Variants in TNRC6B observed in about 807,000 individuals in gnomAD.
The protein encoded by TNRC6B is trinucleotide repeat-containing gene 6B protein.
TNRC6B carries 52 observed loss-of-function variants against 203.6 expected under a neutral mutation model. The observed-to-expected ratio is 0.26, with a 90% CI of 0.20 to 0.32. The LOEUF (loss-of-function observed/expected upper bound fraction) is 0.32. TNRC6B is among the 10% of genes least tolerant of loss of function. The pLI, the probability that TNRC6B is intolerant of heterozygous loss-of-function variation, is 1.00. For missense variants in TNRC6B, 1,923 were observed against 2,286.2 expected (o/e 0.84, Z 3.24); for synonymous variants, 838 against 845.7 (o/e 0.99, Z 0.16).
In TNRC6B at chr22:40,323,279, G is replaced by A. The variant is rs759260430; in HGVS notation, c.*38G>A. 2 of 1,579,238 alleles carry A rather than the reference G, an allele frequency of 1.3e-6. No individual in the cohort carries two copies. The highest frequency in any genetic ancestry group is 1.7e-6 in the Non-Finnish European group (2 of 1,169,126). On this transcript the variant is annotated 3_prime_UTR_variant, in exon 23 of 23. Coordinates refer to ENST00000454349, the MANE Select transcript of TNRC6B (RefSeq NM_001162501.2). Reference sequence around the variant, plus strand: ...CAACTCTGACCTCGTGACCTTTTTTGGAACAGCAGCAGCACTAACTTGACC... The same window carrying A: ...CAACTCTGACCTCGTGACCTTTTTTAGAACAGCAGCAGCACTAACTTGACC...
intron 1 of TNRC6B, among the ~76,000 whole-genome samples, chr22:40,109,936 C>T (rs2068318496): frequency 6.6e-6 from 1 of 152,160 alleles, no homozygotes. Context: ...CAGTGCGGGG[C>T]ACAGCATAAA....
intron 3 of TNRC6B, among the ~76,000 whole-genome samples, chr22:40,141,298 C>T (rs1217276218): frequency 6.6e-6 from 1 of 150,484 alleles, no homozygotes; most frequent in Admixed American, 6.7e-5. Flanking sequence ...CTCCACCTCC[C>T]GGGTTCAGGC....
intron 1 of TNRC6B, among the ~76,000 whole-genome samples, chr22:40,081,410 G>A (rs6001750): frequency 0.013 from 1,922 of 148,818 alleles, 44 homozygotes; most frequent in African/African-American, 0.044. Flanking sequence ...CTCTGGAAGA[G>A]CCTTCCCGCC....
chr22:40,257,883 C>T (rs905359014), intron 3 of TNRC6B, among the ~76,000 whole-genome samples: 13 of 150,522 alleles, frequency 8.6e-5, no homozygotes, highest in African/African-American at 2.4e-4. Flanking sequence ...ATTAGTGAGG[C>T]GTGGTGGTGC....
At chr22:40,307,985 C>T (rs757776895) in intron 15 of TNRC6B, among the ~76,000 whole-genome samples, 37 of 152,142 alleles carry the variant, frequency 2.4e-4, no homozygotes, top group Non-Finnish European at 4.1e-4. Context: ...GTTAGCTAAC[C>T]ATTGGAGTCA....
chr22:40,135,378 C>T (rs1027763338), intron 3 of TNRC6B, among the ~76,000 whole-genome samples: 23 of 152,094 alleles, frequency 1.5e-4, no homozygotes, highest in Admixed American at 1.4e-3. Context: ...GCCAGGGAGA[C>T]GGGGGCATGG....
At chr22:40,211,468 A>C (rs115443348) in intron 1 of TNRC6B, among the ~76,000 whole-genome samples, 88 of 151,722 alleles carry the variant, frequency 5.8e-4, no homozygotes, top group African/African-American at 2.0e-3. Context: ...CAGGAACACC[A>C]CCTGTATTGA....
intron 12 of TNRC6B, among the ~76,000 whole-genome samples, chr22:40,286,543 G>T (rs1322491674): frequency 1.3e-5 from 2 of 152,062 alleles, no homozygotes; most frequent in Non-Finnish European, 2.9e-5. Flanking sequence ...GCCAGATTCT[G>T]GATTATTCTG....
chr22:40,106,913 T>A, intron 1 of TNRC6B: 4 of 992,966 alleles, frequency 4.0e-6, no homozygotes, highest in Non-Finnish European at 6.4e-6. Flanking sequence ...CGCTTTTTCA[T>A]GGATAAACTT....
chr22:40,304,191 T>C (rs2071061480), intron 15 of TNRC6B, among the ~76,000 whole-genome samples: 1 of 152,256 alleles, frequency 6.6e-6, no homozygotes. Flanking sequence ...TTTCTTAATA[T>C]GTCTTGATAA....
chr22:40,153,091 A>G (rs377251856), intron 3 of TNRC6B, among the ~76,000 whole-genome samples: 52 of 151,986 alleles, frequency 3.4e-4, no homozygotes, highest in African/African-American at 1.2e-3. Flanking sequence ...ACAGAACGAG[A>G]CTCCATCTCA....
chr22:40,099,720 C>A (rs575142338), intron 1 of TNRC6B, among the ~76,000 whole-genome samples: 1 of 152,242 alleles, frequency 6.6e-6, no homozygotes, highest in South Asian at 2.1e-4. Context: ...GTTATTTGCA[C>A]AAGTTATACA....
intron 1 of TNRC6B, among the ~76,000 whole-genome samples, chr22:40,073,505 G>A (rs1375915826): frequency 6.6e-6 from 1 of 152,030 alleles, no homozygotes; most frequent in Non-Finnish European, 1.5e-5. Flanking sequence ...GGTTTTGGGG[G>A]TGCTGGGAAC....
intron 15 of TNRC6B, among the ~76,000 whole-genome samples, chr22:40,306,044 G>A (rs557060047): frequency 1.3e-5 from 2 of 152,200 alleles, no homozygotes; most frequent in African/African-American, 4.8e-5. Context: ...TGTAATCCCA[G>A]CACTTTGAGA....
intron 1 of TNRC6B, among the ~76,000 whole-genome samples, chr22:40,211,625 G>A (rs62237976): frequency 0.11 from 17,165 of 151,998 alleles, 1,044 homozygotes; most frequent in South Asian, 0.15. Flanking sequence ...AGGAAGCCTC[G>A]GACTCCTCCC....
chr22:40,321,324 A>T (rs892091461), intron 22 of TNRC6B, 95 bp downstream of exon 22: 1 of 1,420,236 alleles, frequency 7.0e-7, no homozygotes, highest in Non-Finnish European at 9.6e-7. Context: ...GCACCAGAAC[A>T]TATACGAAGA....
At chr22:40,278,556 C>CAAA (rs34010156) in intron 9 of TNRC6B, among the ~76,000 whole-genome samples, 7 of 78,726 alleles carry the variant, frequency 8.9e-5, no homozygotes, top group African/African-American at 2.0e-4. Flanking sequence ...GACTCAGTCT[C>CAAA]AAAAAAAAAA....
rs892264697 is a variant in TNRC6B, at chr22:40,327,096, T to G, written c.*3855T>G. ...CATGACCACAGCTTCTTTTAAACAT[T>G]AAGCTTCCCAGTGGGAAGGAAACTC... On this transcript the variant is annotated 3_prime_UTR_variant, in exon 23 of 23. Transcript: ENST00000454349. 25 of 152,992 alleles carry G rather than the reference T, an allele frequency of 1.6e-4. No homozygotes were observed. The highest frequency in any genetic ancestry group is 5.8e-4 in the African/African-American group (24 of 41,562). 9.5% of individuals were successfully genotyped at this position (152,992 alleles called of 1,614,324 possible). A position where few individuals can be genotyped will look rare whatever the true frequency, so the allele number is the denominator to read the frequency against.
At chr22:40,229,445 CTT>C (rs796133952) in intron 1 of TNRC6B, among the ~76,000 whole-genome samples, 1 of 145,586 alleles carries the variant, frequency 6.9e-6, no homozygotes, top group African/African-American at 2.5e-5. Flanking sequence ...GTAGGAAAGG[CTT>C]TTTTTTTTTT....
Sources: gnomAD v4.1 joint callset for allele counts (sites outside exome capture counted in the v4.1 genomes callset) on GRCh38, gnomAD v4.1.1 for gene constraint, MANE v1.5 for transcripts, NCBI Gene and HGNC (gene_info 2026-07-23, HGNC 2026-07-21) for gene names.